The following EPHA4 variants were observed in gnomAD, a reference collection of about 807,000 sequenced individuals.
EPHA4 encodes EPH receptor A4.
A neutral mutation model predicts 108.3 loss-of-function variants in EPHA4; 19 were observed. That is an observed-to-expected ratio of 0.18 (90% CI 0.12 to 0.26). The LOEUF (loss-of-function observed/expected upper bound fraction) is 0.26. Ranked by LOEUF, EPHA4 falls within the 10% of genes least tolerant of loss-of-function variation. EPHA4 has a pLI of 1.00. For missense variants in EPHA4, 917 were observed against 1,254.0 expected (o/e 0.73, Z 4.06); for synonymous variants, 449 against 455.5 (o/e 0.99, Z 0.18).
In EPHA4 at chr2:221,571,434, G is replaced by T. The variant is rs1222232436; in HGVS notation, c.91+724C>A. ...CAGACGGGTCCCGTCGACCCCGCACGTTAGCTCTAAACTGTGTGCAATTCT... is the reference window on the plus strand; with the variant it reads ...CAGACGGGTCCCGTCGACCCCGCACTTTAGCTCTAAACTGTGTGCAATTCT... On this transcript the variant is annotated intron_variant, in intron 1 of 17. Coordinates refer to ENST00000281821, the MANE Select transcript of EPHA4 (RefSeq NM_004438.5). The surrounding 1 kb of genome is among the most constrained non-coding windows in gnomAD (Gnocchi z 6.3). Among the ~76,000 whole-genome samples the T allele has an allele frequency of 6.6e-6, 1 of 150,560 alleles. No individual in the cohort carries two copies. The highest frequency in any genetic ancestry group is 1.5e-5 in the Non-Finnish European group (1 of 67,622).
At chr2:221,568,653 ACT>A (rs1400119338) in intron 2 of EPHA4, 63 bp downstream of exon 2, 3 of 1,307,430 alleles carry the variant, frequency 2.3e-6, no homozygotes, top group African/African-American at 2.9e-5. Flanking sequence ...AGCCATTAGG[ACT>A]CTCAGAAAGT....
At chr2:221,560,248 C>A (rs1694422144) in intron 3 of EPHA4, among the ~76,000 whole-genome samples, 1 of 152,146 alleles carries the variant, frequency 6.6e-6, no homozygotes, top group African/African-American at 2.4e-5. Context: ...ATTTGTCCTG[C>A]CACAGTAGAA....
intron 4 of EPHA4, among the ~76,000 whole-genome samples, chr2:221,497,503 C>A (rs1044023009): frequency 2.0e-5 from 3 of 152,158 alleles, no homozygotes; most frequent in Non-Finnish European, 4.4e-5. Flanking sequence ...CTTTGAGAAG[C>A]TGAGGTCCAT....
At chr2:221,424,135 T>C (rs937331831) in intron 17 of EPHA4, among the ~76,000 whole-genome samples, 8 of 123,880 alleles carry the variant, frequency 6.5e-5, no homozygotes, top group African/African-American at 2.3e-4. Flanking sequence ...ATAATAATAA[T>C]AATAATTTTT....
rs533293543 is a variant in EPHA4, at chr2:221,471,291, T to C, written c.1318+11061A>G. ...AGAAAACCAGGGGGTTCACAGCATG[T>C]CACAGGGGCCTCTCTCATGAACTCA... On this transcript the variant is annotated intron_variant, in intron 5 of 17. Transcript: ENST00000281821. 4.6e-5 allele frequency among the ~76,000 whole-genome samples: 7 copies of C among 152,244 alleles called. No individual in the cohort carries two copies. The South Asian group carries it at 1.5e-3, about 32-fold the overall frequency.
intron 14 of EPHA4, among the ~76,000 whole-genome samples, chr2:221,430,821 T>C (rs370767208): frequency 1.3e-5 from 2 of 152,180 alleles, no homozygotes; most frequent in Admixed American, 6.5e-5. Context: ...ATTAAAAAAA[T>C]TCCTTCTTTT....
intron 3 of EPHA4, among the ~76,000 whole-genome samples, chr2:221,519,760 A>C (rs2710511): frequency 0.62 from 93,663 of 152,048 alleles, 30,083 homozygotes; most frequent in African/African-American, 0.8. Flanking sequence ...CAAGGGAGCT[A>C]CTCAGGGTTT....
Position 221,426,016 on chromosome 2 carries a change from T to C in EPHA4, c.*12A>G. 6.2e-7 allele frequency: 1 copy of C among 1,611,634 alleles called. No individual in the cohort carries two copies. Among genetic ancestry groups the C allele is most frequent in the Non-Finnish European group, 8.5e-7 (1 of 1,177,764 alleles). On this transcript the variant is annotated 3_prime_UTR_variant, in exon 17 of 18. Transcript: ENST00000281821. ...ACTAATTTCAAGAGTTTTGAGTTTA[T>C]TCAGTACTGGCTCAGACGGGAACCA...
intron 3 of EPHA4, among the ~76,000 whole-genome samples, chr2:221,507,219 T>A (rs1401143233): frequency 3.1e-4 from 47 of 152,192 alleles, no homozygotes; most frequent in Non-Finnish European, 1.5e-5. Flanking sequence ...CTGCAGTGCC[T>A]CCCCAAGTTT....
intron 3 of EPHA4, among the ~76,000 whole-genome samples, chr2:221,555,881 T>C (rs1694289831): frequency 6.6e-6 from 1 of 152,220 alleles, no homozygotes; most frequent in African/African-American, 2.4e-5. Context: ...GTAAATAAAA[T>C]GTCATTCTTC....
chr2:221,512,775 A>G (rs1574624809), intron 3 of EPHA4, among the ~76,000 whole-genome samples: 1 of 152,218 alleles, frequency 6.6e-6, no homozygotes, highest in Non-Finnish European at 1.5e-5. Flanking sequence ...TTTAGCAAAC[A>G]TTTATTAAGC....
At chr2:221,422,803 A>C (rs1689794658) in intron 17 of EPHA4, among the ~76,000 whole-genome samples, 1 of 152,234 alleles carries the variant, frequency 6.6e-6, no homozygotes, top group Admixed American at 6.5e-5. Context: ...AAATGTCTTT[A>C]CCATCCAGTT....
At chr2:221,488,885 A>G (rs571864623) in intron 4 of EPHA4, among the ~76,000 whole-genome samples, 76 of 152,352 alleles carry the variant, frequency 5.0e-4, no homozygotes, top group Non-Finnish European at 1.0e-3. Context: ...GTAATTCCAC[A>G]TATCTTAATT....
intron 3 of EPHA4, among the ~76,000 whole-genome samples, chr2:221,523,268 GCTAA>G (rs774231441): frequency 6.6e-6 from 1 of 151,918 alleles, no homozygotes; most frequent in Non-Finnish European, 1.5e-5. Context: ...TTTTTAATTG[GCTAA>G]CTAATATATT....
At chr2:221,498,858 C>T (rs983354193) in intron 4 of EPHA4, among the ~76,000 whole-genome samples, 6 of 147,162 alleles carry the variant, frequency 4.1e-5, no homozygotes, top group African/African-American at 1.5e-4. Flanking sequence ...GTGGTGCAAT[C>T]TCGGCTCACT....
chr2:221,515,161 T>C (rs969539235), intron 3 of EPHA4, among the ~76,000 whole-genome samples: 1 of 152,182 alleles, frequency 6.6e-6, no homozygotes, highest in African/African-American at 2.4e-5. Flanking sequence ...AATGGCACGA[T>C]CTTGGCTCAC....
intron 15 of EPHA4, among the ~76,000 whole-genome samples, chr2:221,426,822 T>C (rs1689927012): frequency 1.3e-5 from 2 of 152,346 alleles, no homozygotes; most frequent in South Asian, 2.1e-4. Context: ...ATCATCCTAT[T>C]TTTTCTTAAT....
At chr2:221,451,994 A>G (rs1338367713) in intron 8 of EPHA4, among the ~76,000 whole-genome samples, 1 of 152,222 alleles carries the variant, frequency 6.6e-6, no homozygotes, top group African/African-American at 2.4e-5. Flanking sequence ...AACAATTGCT[A>G]TAAAAAAAAT....
chr2:221,498,235 T>C (rs1339118350), intron 4 of EPHA4, among the ~76,000 whole-genome samples: 2 of 152,176 alleles, frequency 1.3e-5, no homozygotes, highest in East Asian at 1.9e-4. Context: ...CAGAGATACA[T>C]TTCATGACAC....
Sources: gnomAD v4.1 joint callset for allele counts (sites outside exome capture counted in the v4.1 genomes callset) on GRCh38, gnomAD v4.1.1 for gene constraint, Gnocchi (gnomAD v3.1) non-coding constraint, MANE v1.5 for transcripts, NCBI Gene and HGNC (gene_info 2026-07-23, HGNC 2026-07-21) for gene names.